TMEM132B: variants seen among roughly 807,000 people sequenced by gnomAD.
TMEM132B encodes transmembrane protein 132B.
TMEM132B carries 18 observed loss-of-function variants against 90.8 expected under a neutral mutation model. The observed-to-expected ratio is 0.20, with a 90% CI of 0.14 to 0.29. The LOEUF (loss-of-function observed/expected upper bound fraction) is 0.29. Among genes scored for constraint, TMEM132B ranks in the 10% least tolerant of loss-of-function variants. The pLI is 1.00. For synonymous variants in TMEM132B, 504 were observed against 523.3 expected (o/e 0.96, Z 0.50); for missense variants, 1,096 against 1,326.8 (o/e 0.83, Z 2.70).
At chr12:125,632,184 TG>T (rs2136998068) in intron 5 of TMEM132B, among the ~76,000 whole-genome samples, 2 of 152,158 alleles carry the variant, frequency 1.3e-5, no homozygotes, top group African/African-American at 4.8e-5. Flanking sequence ...CCGTGCGGCT[TG>T]TGAATACTAT....
At chr12:125,275,045 C>T (rs2136123681) in intron 1 of TMEM132B, among the ~76,000 whole-genome samples, 1 of 152,328 alleles carries the variant, frequency 6.6e-6, no homozygotes, top group South Asian at 2.1e-4. Flanking sequence ...GACTGCCACT[C>T]ATCTTTCAAA....
chr12:125,538,717 G>T (rs1400199363), intron 4 of TMEM132B, among the ~76,000 whole-genome samples: 1 of 152,174 alleles, frequency 6.6e-6, no homozygotes, highest in Non-Finnish European at 1.5e-5. Context: ...TTTGTAAAGG[G>T]TTTACTAAGA....
At chr12:125,547,779 G>A (rs1311916261) in intron 4 of TMEM132B, among the ~76,000 whole-genome samples, 1 of 152,080 alleles carries the variant, frequency 6.6e-6, no homozygotes, top group African/African-American at 2.4e-5. Flanking sequence ...TCATCCCCAG[G>A]CCAGTGGTCC....
At chr12:125,530,435 C>A (rs1055062250) in intron 4 of TMEM132B, among the ~76,000 whole-genome samples, 1 of 152,120 alleles carries the variant, frequency 6.6e-6, no homozygotes, top group Non-Finnish European at 1.5e-5. Context: ...TCTGCTGCAG[C>A]GCTATGTTAG....
At chr12:125,642,648 C>T (rs1886660797) in intron 5 of TMEM132B, among the ~76,000 whole-genome samples, 1 of 152,202 alleles carries the variant, frequency 6.6e-6, no homozygotes, top group South Asian at 2.1e-4. Flanking sequence ...TTCAGCAATC[C>T]TTGTTCATTG....
chr12:125,651,838 C>T (rs1433548863), intron 7 of TMEM132B, among the ~76,000 whole-genome samples: 1 of 152,152 alleles, frequency 6.6e-6, no homozygotes, highest in African/African-American at 2.4e-5. Flanking sequence ...TTAGGACTGA[C>T]CAAAGTCCCT....
intron 5 of TMEM132B, among the ~76,000 whole-genome samples, chr12:125,627,653 C>A (rs1886265192): frequency 6.6e-6 from 1 of 151,972 alleles, no homozygotes; most frequent in Non-Finnish European, 1.5e-5. Context: ...AAGCATTTAT[C>A]CTTTGTGTTA....
chr12:125,513,472 T>C (rs1414734752), intron 3 of TMEM132B, among the ~76,000 whole-genome samples: 1 of 152,118 alleles, frequency 6.6e-6, no homozygotes, highest in African/African-American at 2.4e-5. Context: ...GGGGTTGGAA[T>C]TGTGGAGATG....
intron 1 of TMEM132B, among the ~76,000 whole-genome samples, chr12:125,206,207 T>A (rs1239268321): frequency 2.0e-5 from 3 of 152,180 alleles, no homozygotes; most frequent in Non-Finnish European, 2.9e-5. Context: ...CCTTTCCTGG[T>A]GCTGTGGCTT....
chr12:125,509,323 G>T (rs535699641), intron 3 of TMEM132B, among the ~76,000 whole-genome samples: 1 of 152,234 alleles, frequency 6.6e-6, no homozygotes, highest in South Asian at 2.1e-4. Flanking sequence ...TCTAGTTATG[G>T]GTACCGTTCA....
chr12:125,499,111 C>G (rs2136591002), intron 3 of TMEM132B, among the ~76,000 whole-genome samples: 1 of 152,300 alleles, frequency 6.6e-6, no homozygotes, highest in East Asian at 1.9e-4. Flanking sequence ...ATAAGAAGCT[C>G]CTAAAGCTTA....
intron 3 of TMEM132B, among the ~76,000 whole-genome samples, chr12:125,481,162 G>A (rs910110096): frequency 7.9e-5 from 12 of 152,122 alleles, no homozygotes; most frequent in African/African-American, 2.9e-4. Flanking sequence ...TACTGAATAG[G>A]CAAAACTGGA....
chr12:125,188,725 G>C (rs970254308), intron 1 of TMEM132B, among the ~76,000 whole-genome samples: 1 of 151,778 alleles, frequency 6.6e-6, no homozygotes, highest in Non-Finnish European at 1.5e-5. Flanking sequence ...AATGCCGTCC[G>C]GGCAGAGCCC....
At chr12:125,390,256 A>G (rs761900945) in intron 2 of TMEM132B, among the ~76,000 whole-genome samples, 2 of 152,242 alleles carry the variant, frequency 1.3e-5, no homozygotes, top group Non-Finnish European at 2.9e-5. Flanking sequence ...CAACAGTGGA[A>G]TGGATGAATA....
intron 2 of TMEM132B, among the ~76,000 whole-genome samples, chr12:125,358,775 C>T (rs1028142003): frequency 2.0e-5 from 3 of 152,124 alleles, no homozygotes; most frequent in African/African-American, 4.8e-5. Context: ...TTGCTGTTTC[C>T]CCCTTTGTAG....
chr12:125,513,313 C>T (rs1883028557), intron 3 of TMEM132B, among the ~76,000 whole-genome samples: 1 of 150,924 alleles, frequency 6.6e-6, no homozygotes, highest in South Asian at 2.1e-4. Flanking sequence ...CAGGCACTTA[C>T]ATACTTGTAT....
intron 1 of TMEM132B, among the ~76,000 whole-genome samples, chr12:125,240,934 C>T (rs1028636149): frequency 9.2e-5 from 14 of 152,182 alleles, no homozygotes; most frequent in Middle Eastern, 3.2e-3. Flanking sequence ...TGAGTGATCG[C>T]GTGAGTGAAC....
At chr12:125,631,208 A>C (rs1041415616) in intron 5 of TMEM132B, among the ~76,000 whole-genome samples, 4 of 151,976 alleles carry the variant, frequency 2.6e-5, no homozygotes, top group Non-Finnish European at 5.9e-5. Flanking sequence ...AGTTTTAAGA[A>C]ATTTTTCAAT....
At chr12:125,649,030 A>T (rs1886838476) in intron 6 of TMEM132B, among the ~76,000 whole-genome samples, 1 of 152,202 alleles carries the variant, frequency 6.6e-6, no homozygotes, top group Non-Finnish European at 1.5e-5. Context: ...AATGGGAATA[A>T]CTTTTCAGTA....
Sources: gnomAD v4.1 joint callset for allele counts (sites outside exome capture counted in the v4.1 genomes callset) on GRCh38, gnomAD v4.1.1 for gene constraint, MANE v1.5 for transcripts, NCBI Gene and HGNC (gene_info 2026-07-23, HGNC 2026-07-21) for gene names.